Variants in TMOD1 observed in about 807,000 individuals in gnomAD.
TMOD1 encodes tropomodulin-1.
TMOD1 carries 17 observed loss-of-function variants against 40.6 expected under a neutral mutation model. That is an observed-to-expected ratio of 0.42 (90% confidence interval 0.29 to 0.63). The LOEUF (loss-of-function observed/expected upper bound fraction) is 0.63. Ranked by LOEUF, TMOD1 falls within the 20% of genes least tolerant of loss-of-function variation. TMOD1 has a pLI of 0.22. For missense variants in TMOD1, 391 were observed against 447.6 expected, an observed-to-expected ratio of 0.87 and a Z score of 1.14; for synonymous variants, 181 against 175.0, an observed-to-expected ratio of 1.03 and a Z score of -0.27.
At chr9:97,505,001 C>G (rs1326255561) in intron 1 of TMOD1, among the ~76,000 whole-genome samples, 1 of 152,176 alleles carries the variant, frequency 6.6e-6, no homozygotes, top group Non-Finnish European at 1.5e-5. Flanking sequence ...CAATTCCGGG[C>G]CATTTCCTCT....
intron 3 of TMOD1, among the ~76,000 whole-genome samples, chr9:97,546,979 G>T (rs1434238518): frequency 6.6e-6 from 1 of 150,534 alleles, no homozygotes; most frequent in Non-Finnish European, 1.5e-5. Flanking sequence ...GCCTAAGCAG[G>T]GACCATCCTA....
At chr9:97,587,157 T>C (rs992891756) in intron 8 of TMOD1, among the ~76,000 whole-genome samples, 2 of 152,266 alleles carry the variant, frequency 1.3e-5, no homozygotes, top group African/African-American at 4.8e-5. Flanking sequence ...CACTCACCTG[T>C]TGAAGGGCGT....
At chr9:97,508,062 C>G (rs1466948332) in intron 1 of TMOD1, among the ~76,000 whole-genome samples, 1 of 90,508 alleles carries the variant, frequency 1.1e-5, no homozygotes, top group East Asian at 3.4e-4. Flanking sequence ...CTGATTCACA[C>G]ACACACACAC....
Position 97,543,300 on chromosome 9 carries a change from T to C in TMOD1, c.121-2885T>C, listed in dbSNP as rs1830304602. ...CTTGCTTTCACTGCTTAATTCATTT[T>C]ATAATTGTGTGTTTTAGTTTTTTGA... is the stretch of plus-strand genomic sequence containing the variant. On this transcript the variant is annotated intron_variant, in intron 2 of 9. Transcript: ENST00000259365. 1.3e-5 allele frequency among the ~76,000 whole-genome samples: 2 copies of C among 152,280 alleles called. 1 individual carries two copies. Among genetic ancestry groups the C allele is most frequent in the African/African-American group, 4.8e-5 (2 of 41,476 alleles).
intron 7 of TMOD1, among the ~76,000 whole-genome samples, chr9:97,568,041 G>A (rs1479538609): frequency 6.6e-6 from 1 of 152,142 alleles, no homozygotes; most frequent in African/African-American, 2.4e-5. Context: ...CCTCTGAAAC[G>A]TGCTAGGGGC....
At chr9:97,591,565 G>A (rs575773132) in intron 9 of TMOD1, 130 bp downstream of exon 9, 14 of 1,164,942 alleles carry the variant, frequency 1.2e-5, no homozygotes, top group Middle Eastern at 2.5e-4. Flanking sequence ...CATTGATCGC[G>A]TCTTCCTTGT....
Position 97,601,264 on chromosome 9 carries a change from A to T in TMOD1, c.*1566A>T, listed in dbSNP as rs1209653658. On this transcript the variant is annotated 3_prime_UTR_variant, in exon 10 of 10. Coordinates refer to ENST00000259365, the MANE Select transcript of TMOD1 (RefSeq NM_003275.4). ...TCTGTTGGTCTATGCATGGCTGCGT[A>T]TGTGTTTCTTGGAACCTGTGTGACA... 7.5e-6 allele frequency: 9 copies of T among 1,206,180 alleles called. No individual in the cohort carries two copies. Among genetic ancestry groups the T allele is most frequent in the Non-Finnish European group, 8.5e-6 (8 of 938,176 alleles). The allele number at this position is 1,206,180 out of a possible 1,614,324, so 74.7% of individuals were successfully genotyped here.
At chr9:97,575,091 G>C (rs532052711) in intron 8 of TMOD1, among the ~76,000 whole-genome samples, 1 of 152,326 alleles carries the variant, frequency 6.6e-6, no homozygotes, top group East Asian at 1.9e-4. Flanking sequence ...TTCTTTCTCT[G>C]TTTGCCATAA....
chr9:97,518,716 C>T (rs764060348), intron 1 of TMOD1, among the ~76,000 whole-genome samples: 91 of 152,060 alleles, frequency 6.0e-4, no homozygotes, highest in Non-Finnish European at 1.1e-3. Flanking sequence ...AGGGGAGTAG[C>T]GGGGAGACAG....
At chr9:97,525,558 A>T (rs1320671603) in intron 2 of TMOD1, among the ~76,000 whole-genome samples, 1 of 152,144 alleles carries the variant, frequency 6.6e-6, no homozygotes, top group Non-Finnish European at 1.5e-5. Flanking sequence ...CTAAGCTTTC[A>T]TTTCTGAAAG....
chr9:97,570,739 G>T (rs932915), intron 8 of TMOD1, among the ~76,000 whole-genome samples: 1 of 152,172 alleles, frequency 6.6e-6, no homozygotes. Flanking sequence ...GGAGTGCCTG[G>T]TAAGTAAGTT....
At chr9:97,593,804 G>A (rs577048469) in intron 9 of TMOD1, among the ~76,000 whole-genome samples, 29 of 152,160 alleles carry the variant, frequency 1.9e-4, no homozygotes, top group African/African-American at 6.7e-4. Context: ...GCATCCCTCT[G>A]GGGGTTCTAG....
intron 9 of TMOD1, among the ~76,000 whole-genome samples, chr9:97,595,230 A>G (rs2131295564): frequency 6.6e-6 from 1 of 152,366 alleles, no homozygotes; most frequent in Admixed American, 6.5e-5. Context: ...TTTTGTGGTG[A>G]GAACGTTTAT....
chr9:97,581,264 G>A (rs1480771698), intron 8 of TMOD1, among the ~76,000 whole-genome samples: 3 of 143,642 alleles, frequency 2.1e-5, no homozygotes, highest in Non-Finnish European at 4.5e-5. Context: ...TTGTTCTTGC[G>A]ATAGTTTACT....
intron 4 of TMOD1, among the ~76,000 whole-genome samples, chr9:97,559,805 ATATATATATATATATATATG>A (rs1830602963): frequency 1.5e-5 from 1 of 64,752 alleles, no homozygotes; most frequent in African/African-American, 7.0e-5. Context: ...ATATATATAT[ATATATATATATATATATATG>A]TCTATCTATC....
intron 9 of TMOD1, among the ~76,000 whole-genome samples, chr9:97,592,993 C>A (rs769155336): frequency 6.6e-6 from 1 of 152,196 alleles, no homozygotes; most frequent in Admixed American, 6.5e-5. Flanking sequence ...TACATCATCT[C>A]ACAGATGTCA....
At chr9:97,570,234 C>A (rs1587949606) in intron 8 of TMOD1, among the ~76,000 whole-genome samples, 2 of 152,318 alleles carry the variant, frequency 1.3e-5, no homozygotes, top group African/African-American at 4.8e-5. Context: ...CCAACCATAA[C>A]CCTTTCAAAA....
rs1367766509 is a variant in TMOD1, at chr9:97,600,011, A to G, written c.*313A>G. ...ACTTAGCCCCAGGAGCCCAGTTTCA[A>G]TGGCCTTGCTGTGTGGTGTTTCAAG... is the stretch of plus-strand genomic sequence containing the variant. On this transcript the variant is annotated 3_prime_UTR_variant, in exon 10 of 10. Coordinates refer to ENST00000259365, the MANE Select transcript of TMOD1 (RefSeq NM_003275.4). 8.6e-7 allele frequency: 1 copy of G among 1,164,378 alleles called. No individual in the cohort carries two copies. Among genetic ancestry groups the G allele is most frequent in the African/African-American group, 1.6e-5 (1 of 64,100 alleles). The allele number at this position is 1,164,378 out of a possible 1,614,324, so 72.1% of individuals were successfully genotyped here.
At chr9:97,588,510 T>C (rs1825928046) in intron 8 of TMOD1, among the ~76,000 whole-genome samples, 1 of 152,344 alleles carries the variant, frequency 6.6e-6, no homozygotes, top group South Asian at 2.1e-4. Flanking sequence ...TTTACAAATA[T>C]CAATACAAAA....
Sources: gnomAD v4.1 joint callset for allele counts (sites outside exome capture counted in the v4.1 genomes callset) on GRCh38, gnomAD v4.1.1 for gene constraint, MANE v1.5 for transcripts, NCBI Gene and HGNC (gene_info 2026-07-23, HGNC 2026-07-21) for gene names.